The following POFUT3 variants were observed in gnomAD, a reference collection of about 807,000 sequenced individuals.
The protein encoded by POFUT3 is protein O-fucosyltransferase 3, also known as GDP-fucose protein O-fucosyltransferase 3.
chr8:33,425,902 C>CAA, the POFUT3 span, among the ~76,000 whole-genome samples: 65 of 106,210 alleles, frequency 6.1e-4, no homozygotes, highest in Non-Finnish European at 7.9e-4. Flanking sequence ...AACTCCATCT[C>CAA]AAAAAAAAAA....
the POFUT3 span, among the ~76,000 whole-genome samples, chr8:33,469,806 T>TC: frequency 1.3e-3 from 157 of 118,126 alleles, 4 homozygotes; most frequent in African/African-American, 5.7e-3. Flanking sequence ...ACTTTTTCTT[T>TC]TTTTTTTTTT....
chr8:33,319,794 G>A, the POFUT3 span, among the ~76,000 whole-genome samples: 6 of 126,096 alleles, frequency 4.8e-5, no homozygotes, highest in Middle Eastern at 3.6e-3. Flanking sequence ...TAGTTCTGAT[G>A]TACCTGATGC....
chr8:33,318,069 G>A, the POFUT3 span, among the ~76,000 whole-genome samples: 1 of 152,104 alleles, frequency 6.6e-6, no homozygotes, highest in Non-Finnish European at 1.5e-5. Context: ...TCAGACAGGT[G>A]AGAGAGTGCA....
At chr8:33,442,871 G>T in the POFUT3 span, among the ~76,000 whole-genome samples, 1 of 152,178 alleles carries the variant, frequency 6.6e-6, no homozygotes, top group Non-Finnish European at 1.5e-5. Context: ...ATAAGGTTTT[G>T]CTAGATTTAG....
the POFUT3 span, among the ~76,000 whole-genome samples, chr8:33,470,236 C>CAAAAAAAAAAAAAAAAAAAA: frequency 3.4e-5 from 3 of 89,072 alleles, no homozygotes; most frequent in African/African-American, 9.1e-5. Flanking sequence ...CCCATCTCTA[C>CAAAAAAAAAAAAAAAAAAAA]AAAAAAAAAA....
the POFUT3 span, among the ~76,000 whole-genome samples, chr8:33,351,878 A>G: frequency 6.6e-6 from 1 of 152,244 alleles, no homozygotes; most frequent in African/African-American, 2.4e-5. Flanking sequence ...GTGGTTAGCC[A>G]TGACAGAATT....
chr8:33,403,612 GGA>G, the POFUT3 span, among the ~76,000 whole-genome samples: 14 of 152,092 alleles, frequency 9.2e-5, no homozygotes, highest in Non-Finnish European at 2.1e-4. Context: ...CAGCTACTAG[GGA>G]GAGAGTGTGA....
the POFUT3 span, among the ~76,000 whole-genome samples, chr8:33,390,632 T>G: frequency 6.6e-6 from 1 of 151,624 alleles, no homozygotes; most frequent in African/African-American, 2.4e-5. Context: ...CCAAAATGAT[T>G]GATTTCAGCA....
the POFUT3 span, among the ~76,000 whole-genome samples, chr8:33,393,257 G>C: frequency 6.6e-5 from 10 of 152,334 alleles, no homozygotes; most frequent in South Asian, 2.1e-3. Flanking sequence ...TGGCTCACTA[G>C]TTTTCTAGTC....
the POFUT3 span, among the ~76,000 whole-genome samples, chr8:33,411,684 T>A: frequency 6.6e-6 from 1 of 152,046 alleles, no homozygotes; most frequent in Admixed American, 6.6e-5. Flanking sequence ...AGCTACTTGG[T>A]GGCTGAGGCA....
the POFUT3 span, among the ~76,000 whole-genome samples, chr8:33,326,977 T>A: frequency 2.0e-5 from 3 of 152,208 alleles, no homozygotes; most frequent in African/African-American, 7.2e-5. Flanking sequence ...GGGGTCTCAC[T>A]ATGTTGCCCA....
chr8:33,360,496 A>G, the POFUT3 span, among the ~76,000 whole-genome samples: 4 of 149,824 alleles, frequency 2.7e-5, no homozygotes, highest in Admixed American at 2.7e-4. Flanking sequence ...ATATCAGGAA[A>G]CTTTTTTCTT....
At chr8:33,387,305 T>G in the POFUT3 span, among the ~76,000 whole-genome samples, 1 of 152,178 alleles carries the variant, frequency 6.6e-6, no homozygotes, top group Non-Finnish European at 1.5e-5. Flanking sequence ...GAATTTAAAT[T>G]TTAATAATTC....
chr8:33,447,457 A>C, the POFUT3 span, among the ~76,000 whole-genome samples: 1 of 151,312 alleles, frequency 6.6e-6, no homozygotes, highest in South Asian at 2.1e-4. Context: ...TCAAAGGAAA[A>C]AAAAAAAAAC....
the POFUT3 span, among the ~76,000 whole-genome samples, chr8:33,418,836 A>G: frequency 6.6e-6 from 1 of 152,220 alleles, no homozygotes; most frequent in African/African-American, 2.4e-5. Flanking sequence ...TAAGTGTCCA[A>G]TGGATGACCA....
At chr8:33,385,668 G>A in the POFUT3 span, among the ~76,000 whole-genome samples, 1 of 152,104 alleles carries the variant, frequency 6.6e-6, no homozygotes, top group African/African-American at 2.4e-5. Flanking sequence ...GATTACTTGA[G>A]GTCAGGAGTT....
the POFUT3 span, chr8:33,372,745 T>G: frequency 6.2e-7 from 1 of 1,614,072 alleles, no homozygotes; most frequent in Admixed American, 1.7e-5. Flanking sequence ...AAGCAAACAC[T>G]GTGGGCTCTG....
chr8:33,371,866 A>G, the POFUT3 span: 1 of 152,258 alleles, frequency 6.6e-6, no homozygotes, highest in Non-Finnish European at 1.5e-5. Flanking sequence ...GCAATTCTTA[A>G]TATTATTCTG....
chr8:33,448,525 G>C, the POFUT3 span, among the ~76,000 whole-genome samples: 1 of 152,058 alleles, frequency 6.6e-6, no homozygotes, highest in Non-Finnish European at 1.5e-5. Flanking sequence ...GTACTGCAAT[G>C]GTACTAACCA....
Sources: allele counts gnomAD v4.1 joint callset (sites outside exome capture counted in the v4.1 genomes callset), GRCh38; gene constraint gnomAD v4.1.1; transcripts MANE v1.5; gene names NCBI Gene and HGNC (gene_info 2026-07-23, HGNC 2026-07-21).